The following ACOT6 variants were observed in gnomAD, a reference collection of about 807,000 sequenced individuals.
ACOT6 encodes the protein acyl-CoA thioesterase 6, also known as acyl-coenzyme A thioesterase 6.
ACOT6 carries 14 observed loss-of-function variants against 12.3 expected under a neutral mutation model. The ratio of observed to expected loss-of-function variants is 1.14; its 90% confidence interval spans 0.75 to 1.78. ACOT6 has a LOEUF of 1.78. Among genes scored for constraint, ACOT6 ranks in the 40% most tolerant of loss-of-function variants. The pLI is 0.00. For missense variants in ACOT6, 523 were observed against 551.8 expected (o/e 0.95, Z 0.52); for synonymous variants, 218 against 231.3 (o/e 0.94, Z 0.52).
upstream of ACOT6, among the ~76,000 whole-genome samples, chr14:73,611,984 T>A (rs946450003): frequency 3.3e-5 from 5 of 152,096 alleles, no homozygotes; most frequent in African/African-American, 1.2e-4. Context: ...TAGCTCTCAG[T>A]GGTTTTTGTG....
intron 1 of ACOT6, 35 bp from the exon 2 acceptor site, chr14:73,616,959 A>G: frequency 3.2e-6 from 2 of 622,046 alleles, no homozygotes; most frequent in East Asian, 5.2e-5. Context: ...TTGAGAAACT[A>G]AAGCTCCCTG....
chr14:73,613,121 A>G (rs2139995805), intron 1 of ACOT6, 89 bp downstream of exon 1: 1 of 504,864 alleles, frequency 2.0e-6, no homozygotes, highest in East Asian at 3.5e-5. Context: ...ACATCCCTGA[A>G]CTTGTTCCTT....
At chr14:73,616,159 G>T (rs1455703532) in intron 1 of ACOT6, among the ~76,000 whole-genome samples, 1 of 152,072 alleles carries the variant, frequency 6.6e-6, no homozygotes, top group African/African-American at 2.4e-5. Context: ...TGTAGAGATG[G>T]GTCTTGTTAT....
Position 73,617,209 on chromosome 14 carries a change from A to C in ACOT6, c.660+17A>C. The C allele has an allele frequency of 6.2e-7, 1 of 1,614,170 alleles. No homozygotes were observed. The highest frequency in any genetic ancestry group is 8.5e-7 in the Non-Finnish European group (1 of 1,180,030). The stretch of plus-strand genomic sequence containing the variant: ...CATCCAAAGGTGCGTTCTGGTGATC[A>C]CCTGAGTGCAGAAGAGAGGGGATAG... On this transcript the variant is annotated intron_variant, in intron 2 of 2. Coordinates refer to ENST00000645972, the MANE Select transcript of ACOT6 (RefSeq NM_001365788.1).
upstream of ACOT6, chr14:73,611,060 TC>T (rs1890439094): frequency 6.6e-6 from 1 of 152,240 alleles, no homozygotes; most frequent in East Asian, 1.9e-4. Context: ...TAAATCCAGT[TC>T]ATGTAAATTG....
chr14:73,612,645 G>C lies in ACOT6; in HGVS notation c.74G>C (p.Gly25Ala). The part of the protein sequence containing the change: ...WDEPLRIAVR[G>A]LAPEQPVTLR... Reference sequence around the variant, plus strand: ...GAGCCGCTGCGCATCGCAGTGCGCGGCCTGGCCCCGGAGCAGCCAGTCACG... The same window carrying C: ...GAGCCGCTGCGCATCGCAGTGCGCGCCCTGGCCCCGGAGCAGCCAGTCACG... The change falls in exon 1 of 3, where the codon GGC becomes GCC. Residue 25 changes from glycine (G) to alanine (A), a missense_variant. This residue lies in a region of ACOT6 where 304 missense variants were observed against 274.8 expected (regional missense o/e 1.11). Coordinates refer to ENST00000645972, the MANE Select transcript of ACOT6 (RefSeq NM_001365788.1). 2.1e-6 allele frequency: 3 copies of C among 1,404,900 alleles called. No individual in the cohort carries two copies. The highest frequency in any genetic ancestry group is 2.8e-6 in the Non-Finnish European group (3 of 1,080,088). 87.0% of individuals were successfully genotyped at this position (1,404,900 alleles called of 1,614,324 possible).
intron 1 of ACOT6, among the ~76,000 whole-genome samples, chr14:73,613,619 A>C (rs757801403): frequency 6.6e-6 from 1 of 152,190 alleles, no homozygotes; most frequent in African/African-American, 2.4e-5. Flanking sequence ...CCCTGGGGGA[A>C]ATTTGGCAAT....
chr14:73,615,410 AAAAAC>A (rs1566870605), intron 1 of ACOT6, among the ~76,000 whole-genome samples: 1,851 of 84,968 alleles, frequency 0.022, 213 homozygotes, highest in East Asian at 0.097. Context: ...AAAAAAAACA[AAAAAC>A]AAAAAAAACC....
chr14:73,616,310 A>G (rs1334633619), intron 1 of ACOT6, among the ~76,000 whole-genome samples: 3 of 151,636 alleles, frequency 2.0e-5, no homozygotes, highest in African/African-American at 7.3e-5. Context: ...GTTTGTGAAA[A>G]TAATATTATT....
In ACOT6 at chr14:73,612,630, G is replaced by A; in HGVS notation, c.59G>A (p.Arg20His). ...AGRCCWDEPL[R>H]IAVRGLAPEQ... is the part of the protein sequence containing the mutation. ...CGCTGCTGCTGGGACGAGCCGCTGCGCATCGCAGTGCGCGGCCTGGCCCCG... is the reference window on the plus strand; with the variant it reads ...CGCTGCTGCTGGGACGAGCCGCTGCACATCGCAGTGCGCGGCCTGGCCCCG... The change falls in exon 1 of 3, where the codon CGC becomes CAC. Residue 20 changes from arginine (R) to histidine (H), a missense_variant. Arg to His is a conservative substitution (Grantham distance 29, BLOSUM62 0). Transcript: ENST00000645972. 7.1e-7 allele frequency: 1 copy of A among 1,405,536 alleles called. No homozygotes were observed. The highest frequency in any genetic ancestry group is 9.3e-7 in the Non-Finnish European group (1 of 1,078,170). 87.1% of individuals were successfully genotyped at this position (1,405,536 alleles called of 1,614,324 possible).
At chr14:73,614,678 C>G (rs1890502813) in intron 1 of ACOT6, among the ~76,000 whole-genome samples, 1 of 150,194 alleles carries the variant, frequency 6.7e-6, no homozygotes, top group Non-Finnish European at 1.5e-5. Context: ...ACCCGGGAGG[C>G]TGAGGTTGCA....
At chr14:73,617,699 T>G (rs1345068913) in intron 2 of ACOT6, among the ~76,000 whole-genome samples, 2 of 152,030 alleles carry the variant, frequency 1.3e-5, no homozygotes, top group Non-Finnish European at 2.9e-5. Flanking sequence ...AGAAAATGAC[T>G]ATAAAGAGAT....
chr14:73,615,388 T>TAAAAAAAAAAAAAAAA (rs1160138803), intron 1 of ACOT6, among the ~76,000 whole-genome samples: 4 of 63,280 alleles, frequency 6.3e-5, no homozygotes, highest in African/African-American at 2.0e-4. Flanking sequence ...CTCTGTCTGA[T>TAAAAAAAAAAAAAAAA]AAAAAAAAAA....
intron 2 of ACOT6, among the ~76,000 whole-genome samples, chr14:73,618,618 C>T (rs1237365656): frequency 9.7e-6 from 1 of 103,408 alleles, no homozygotes; most frequent in East Asian, 7.0e-4. Context: ...TTTATCAAGG[C>T]AGGAGAAAAT....
intron 1 of ACOT6, among the ~76,000 whole-genome samples, chr14:73,613,564 A>T (rs1360596550): frequency 6.6e-6 from 1 of 152,126 alleles, no homozygotes; most frequent in Non-Finnish European, 1.5e-5. Context: ...CTTCTATCAT[A>T]AACATGCTGT....
intron 1 of ACOT6, among the ~76,000 whole-genome samples, chr14:73,613,519 A>G (rs78044557): frequency 0.015 from 2,250 of 152,298 alleles, 57 homozygotes; most frequent in African/African-American, 0.051. Context: ...TTAATTGTTT[A>G]AAAACACACA....
chr14:73,612,781 C>T lies in ACOT6; in HGVS notation c.210C>T (p.Gly70=), dbSNP rs1890469512. 7.3e-7 allele frequency: 1 copy of T among 1,368,496 alleles called. No homozygotes were observed. Among genetic ancestry groups the T allele is most frequent in the Non-Finnish European group, 9.4e-7 (1 of 1,065,538 alleles). 84.8% of individuals were successfully genotyped at this position (1,368,496 alleles called of 1,614,324 possible). The part of the protein sequence containing the change: ...LDLERAPALG[G]SFAGLQPMGL... Reference sequence around the variant, plus strand: ...TGGAGCGCGCGCCCGCGCTGGGAGGCAGCTTCGCGGGGCTCCAGCCCATGG... The same window carrying T: ...TGGAGCGCGCGCCCGCGCTGGGAGGTAGCTTCGCGGGGCTCCAGCCCATGG... The change falls in exon 1 of 3, where the codon GGC becomes GGT. Residue 70 remains glycine (G), a synonymous_variant. Transcript: ENST00000645972.
intron 2 of ACOT6, among the ~76,000 whole-genome samples, chr14:73,618,632 A>G (rs1566871425): frequency 6.6e-6 from 1 of 150,470 alleles, no homozygotes; most frequent in East Asian, 2.0e-4. Context: ...AGAAAATAAT[A>G]TACTGTATTT....
rs1890469023 is a variant in ACOT6, at chr14:73,612,767, C to T, written c.196C>T (p.Pro66Ser). 7.3e-7 allele frequency: 1 copy of T among 1,372,042 alleles called. No homozygotes were observed. The highest frequency in any genetic ancestry group is 1.7e-5 in the South Asian group (1 of 57,996). 85.0% of individuals were successfully genotyped at this position (1,372,042 alleles called of 1,614,324 possible). ...CGACGAGCTGGACCTGGAGCGCGCG[C>T]CCGCGCTGGGAGGCAGCTTCGCGGG... is the stretch of plus-strand genomic sequence containing the variant. Reference protein sequence around the residue: ...ARDELDLERAPALGGSFAGLQ... With the variant: ...ARDELDLERASALGGSFAGLQ... Residue 66 changes from proline (P) to serine (S), a missense_variant, in exon 1 of 3, where the codon CCC (proline) becomes TCC (serine). This residue lies in a region of ACOT6 where 304 missense variants were observed against 274.8 expected (regional missense o/e 1.11). Coordinates refer to ENST00000645972, the MANE Select transcript of ACOT6 (RefSeq NM_001365788.1).
Sources: gnomAD v4.1 joint callset for allele counts (sites outside exome capture counted in the v4.1 genomes callset) on GRCh38, gnomAD v4.1.1 for gene constraint, gnomAD v4.1.1 regional missense constraint, MANE v1.5 for transcripts, NCBI Gene and HGNC (gene_info 2026-07-23, HGNC 2026-07-21) for gene names.